The following TMPRSS15 variants were observed in gnomAD, a reference collection of about 807,000 sequenced individuals.
The protein encoded by TMPRSS15 is enteropeptidase.
In TMPRSS15, 128 loss-of-function variants were observed where a neutral mutation model predicts 125.3. The observed-to-expected ratio is 1.02, with a 90% CI of 0.89 to 1.18. TMPRSS15 has a LOEUF of 1.18. TMPRSS15 is among the 50% of genes most tolerant of loss of function. The probability of loss-of-function intolerance (pLI) is 0.00; values close to 1 mark genes in which losing one functional copy is unlikely to be tolerated. For missense variants in TMPRSS15, 1,283 were observed against 1,212.7 expected (o/e 1.06, Z -0.86); for synonymous variants, 446 against 423.2 (o/e 1.05, Z -0.66).
At chr21:18,434,039 T>C (rs2076222670) in intron 1 of TMPRSS15, among the ~76,000 whole-genome samples, 1 of 152,210 alleles carries the variant, frequency 6.6e-6, no homozygotes, top group Non-Finnish European at 1.5e-5. Context: ...CCATTTGTTA[T>C]ACTACTGCTC....
chr21:18,296,474 T>C (rs182353535), intron 19 of TMPRSS15, among the ~76,000 whole-genome samples: 41 of 152,338 alleles, frequency 2.7e-4, no homozygotes, highest in Admixed American at 1.1e-3. Context: ...GGTTAAAATA[T>C]GTCTATAAAT....
At chr21:18,361,030 G>A (rs1436594297) in intron 7 of TMPRSS15, among the ~76,000 whole-genome samples, 4 of 151,954 alleles carry the variant, frequency 2.6e-5, no homozygotes, top group Non-Finnish European at 4.4e-5. Context: ...ATTCATTCCT[G>A]TATTATCTAA....
chr21:18,442,619 A>G (rs973615649), intron 1 of TMPRSS15, among the ~76,000 whole-genome samples: 5 of 152,164 alleles, frequency 3.3e-5, no homozygotes, highest in Admixed American at 2.6e-4. Flanking sequence ...TGAATATCAC[A>G]TTTCTTATCC....
chr21:18,352,943 A>G lies in TMPRSS15; in HGVS notation c.1131T>C (p.Phe377=). The part of the protein sequence containing the change: ...ERIQGSTFSP[F]TGPNFDHTFG... ...AAGTGTGGTCAAAATTGGGTCCAGT[A>G]AAAGGAGAAAAGGTGCTTCCCTGAA... is the stretch of plus-strand genomic sequence containing the variant. Residue 377 remains phenylalanine (F), a synonymous_variant, in exon 10 of 25, where the codon TTT becomes TTC. Coordinates refer to ENST00000284885, the MANE Select transcript of TMPRSS15 (RefSeq NM_002772.3). The G allele has an allele frequency of 6.2e-7, 1 of 1,612,388 alleles. No homozygotes were observed. Among genetic ancestry groups the G allele is most frequent in the Admixed American group, 1.7e-5 (1 of 59,932 alleles).
chr21:18,282,013 G>A (rs986434204), intron 21 of TMPRSS15, among the ~76,000 whole-genome samples: 3 of 149,508 alleles, frequency 2.0e-5, no homozygotes, highest in Non-Finnish European at 4.4e-5. Flanking sequence ...CAGGAGAATG[G>A]CGTGAACCCG....
At chr21:18,307,332 A>G (rs1182727505) in intron 18 of TMPRSS15, among the ~76,000 whole-genome samples, 1 of 152,138 alleles carries the variant, frequency 6.6e-6, no homozygotes, top group African/African-American at 2.4e-5. Flanking sequence ...AAATCTGGTT[A>G]TTTGTCTCTC....
chr21:18,300,795 T>A (rs56122413), intron 18 of TMPRSS15, among the ~76,000 whole-genome samples: 17,056 of 85,856 alleles, frequency 0.2, 1,032 homozygotes, highest in Middle Eastern at 0.34. Flanking sequence ...TTGACAGTGA[T>A]TTTTTTTTAA....
intron 18 of TMPRSS15, among the ~76,000 whole-genome samples, chr21:18,305,738 C>A (rs2146922784): frequency 6.6e-6 from 1 of 152,232 alleles, no homozygotes; most frequent in South Asian, 2.1e-4. Flanking sequence ...ACTGTGCCTT[C>A]CCCCACCCTG....
At chr21:18,448,529 C>T (rs946720799) in intron 1 of TMPRSS15, among the ~76,000 whole-genome samples, 3 of 152,074 alleles carry the variant, frequency 2.0e-5, no homozygotes, top group African/African-American at 7.2e-5. Context: ...TATAAAGATG[C>T]ATACCATATT....
chr21:18,484,611 A>T (rs1601479539), intron 1 of TMPRSS15, among the ~76,000 whole-genome samples: 1 of 151,760 alleles, frequency 6.6e-6, no homozygotes, highest in South Asian at 2.1e-4. Flanking sequence ...ACTTTTATAT[A>T]TGTAGTGATC....
intron 8 of TMPRSS15, among the ~76,000 whole-genome samples, chr21:18,359,199 T>C (rs1473007681): frequency 3.3e-5 from 5 of 152,012 alleles, no homozygotes; most frequent in Admixed American, 3.3e-4. Flanking sequence ...TTCCCTGCCC[T>C]CTTTTCAGCT....
intron 10 of TMPRSS15, among the ~76,000 whole-genome samples, chr21:18,351,696 T>C (rs1223573470): frequency 6.6e-6 from 1 of 152,150 alleles, no homozygotes; most frequent in Admixed American, 6.6e-5. Flanking sequence ...TTACCCAGTC[T>C]CAGGTATTTC....
At chr21:18,442,316 G>A (rs533873867) in intron 1 of TMPRSS15, among the ~76,000 whole-genome samples, 7 of 152,202 alleles carry the variant, frequency 4.6e-5, no homozygotes, top group Admixed American at 1.3e-4. Flanking sequence ...TGGGCTTGAC[G>A]TATTTGCTAG....
intron 14 of TMPRSS15, among the ~76,000 whole-genome samples, chr21:18,329,602 C>T (rs1432233432): frequency 6.6e-6 from 1 of 151,220 alleles, no homozygotes; most frequent in Non-Finnish European, 1.5e-5. Context: ...TACAATATAA[C>T]ATTTATGAAT....
At chr21:18,308,819 C>A (rs2075064638) in intron 18 of TMPRSS15, among the ~76,000 whole-genome samples, 1 of 152,146 alleles carries the variant, frequency 6.6e-6, no homozygotes, top group South Asian at 2.1e-4. Flanking sequence ...TCAACTCCCA[C>A]TTATGAGTGA....
At chr21:18,485,132 T>C (rs920330676) in intron 1 of TMPRSS15, among the ~76,000 whole-genome samples, 2 of 151,940 alleles carry the variant, frequency 1.3e-5, no homozygotes, top group African/African-American at 4.8e-5. Flanking sequence ...ATAAAGATTA[T>C]CTTTTAAAAT....
At chr21:18,446,068 C>T (rs975526194) in intron 1 of TMPRSS15, among the ~76,000 whole-genome samples, 3 of 152,154 alleles carry the variant, frequency 2.0e-5, no homozygotes, top group Non-Finnish European at 2.9e-5. Flanking sequence ...CCTCAAGACT[C>T]AACCAAACCA....
chr21:18,415,734 T>C (rs963916737), intron 1 of TMPRSS15, among the ~76,000 whole-genome samples: 1 of 152,100 alleles, frequency 6.6e-6, no homozygotes, highest in Non-Finnish European at 1.5e-5. Context: ...GCTAGTACCA[T>C]ACTGTTTTAA....
intron 1 of TMPRSS15, among the ~76,000 whole-genome samples, chr21:18,433,174 C>T (rs1395728909): frequency 6.6e-6 from 1 of 152,110 alleles, no homozygotes; most frequent in Non-Finnish European, 1.5e-5. Context: ...CACCTGACCA[C>T]TGCTAGCAAT....
Sources: gnomAD v4.1 joint callset for allele counts (sites outside exome capture counted in the v4.1 genomes callset) on GRCh38, gnomAD v4.1.1 for gene constraint, MANE v1.5 for transcripts, NCBI Gene and HGNC (gene_info 2026-07-23, HGNC 2026-07-21) for gene names.